CTNNA2: variants seen among roughly 807,000 people sequenced by gnomAD.
The protein encoded by CTNNA2 is catenin alpha-2.
Under a neutral mutation model 101.0 loss-of-function variants are expected in CTNNA2, and 42 were observed. The observed-to-expected ratio is 0.42, with a 90% CI of 0.32 to 0.54. The LOEUF is 0.54. CTNNA2 is among the 20% of genes least tolerant of loss of function. CTNNA2 has a pLI of 0.14. For missense variants in CTNNA2, 871 were observed against 1,223.1 expected (o/e 0.71, Z 4.29); for synonymous variants, 450 against 456.4 (o/e 0.99, Z 0.18).
intron 3 of CTNNA2, among the ~76,000 whole-genome samples, chr2:79,846,554 G>T (rs1036858012): frequency 1.3e-5 from 2 of 152,154 alleles, no homozygotes; most frequent in Non-Finnish European, 2.9e-5. Context: ...ATATACAAAG[G>T]CTTCAACTAT....
At chr2:79,518,325 A>G (rs747810404) in intron 1 of CTNNA2, among the ~76,000 whole-genome samples, 23 of 152,204 alleles carry the variant, frequency 1.5e-4, no homozygotes, top group Non-Finnish European at 3.2e-4. Flanking sequence ...CAGTGTTTCT[A>G]CATTAAATGA....
chr2:80,475,100 C>T (rs951553178), intron 9 of CTNNA2, among the ~76,000 whole-genome samples: 4 of 152,134 alleles, frequency 2.6e-5, no homozygotes, highest in Non-Finnish European at 5.9e-5. Context: ...GTACAGTCAT[C>T]AGCACCCTTT....
At chr2:79,746,826 T>G (rs1671683971) in intron 3 of CTNNA2, among the ~76,000 whole-genome samples, 1 of 152,212 alleles carries the variant, frequency 6.6e-6, no homozygotes, top group South Asian at 2.1e-4. Flanking sequence ...ACAGGATAAT[T>G]AAGTATTTGT....
At chr2:80,640,150 T>TAACA (rs1323822575) in intron 18 of CTNNA2, among the ~76,000 whole-genome samples, 1 of 152,054 alleles carries the variant, frequency 6.6e-6, no homozygotes, top group Non-Finnish European at 1.5e-5. Context: ...ATTTGATAGC[T>TAACA]AACAAACAAT....
intron 9 of CTNNA2, among the ~76,000 whole-genome samples, chr2:80,469,383 C>T (rs1290370084): frequency 6.6e-6 from 1 of 152,196 alleles, no homozygotes; most frequent in Non-Finnish European, 1.5e-5. Context: ...AGGTTGGAGG[C>T]TGCTGAATAT....
chr2:79,904,761 A>C (rs528835694), intron 6 of CTNNA2, among the ~76,000 whole-genome samples: 1 of 152,190 alleles, frequency 6.6e-6, no homozygotes, highest in Non-Finnish European at 1.5e-5. Flanking sequence ...TTCTCCTCTT[A>C]TGTCAGAGCT....
At chr2:79,948,305 C>T (rs1046626540) in intron 7 of CTNNA2, among the ~76,000 whole-genome samples, 3 of 152,168 alleles carry the variant, frequency 2.0e-5, no homozygotes, top group African/African-American at 7.2e-5. Context: ...ATCAAATTCA[C>T]CTAAATCATG....
intron 9 of CTNNA2, among the ~76,000 whole-genome samples, chr2:80,542,262 T>C: frequency 6.6e-6 from 1 of 152,164 alleles, no homozygotes; most frequent in African/African-American, 2.4e-5. Flanking sequence ...TGTATATATA[T>C]ATTATAGTTT....
intron 15 of CTNNA2, among the ~76,000 whole-genome samples, chr2:80,598,207 CA>C (rs894377620): frequency 4.0e-5 from 6 of 151,718 alleles, no homozygotes. Context: ...AACAAAGGAA[CA>C]AAAAAACACC....
chr2:79,289,614 G>A (rs566955380), intron 2 of CTNNA2, among the ~76,000 whole-genome samples: 1 of 151,444 alleles, frequency 6.6e-6, no homozygotes, highest in African/African-American at 2.4e-5. Context: ...GCGTAGTGAT[G>A]TGCGCCTGTA....
chr2:79,344,695 C>T (rs1215725530), intron 3 of CTNNA2, among the ~76,000 whole-genome samples: 1 of 151,248 alleles, frequency 6.6e-6, no homozygotes, highest in Non-Finnish European at 1.5e-5. Flanking sequence ...TTTTAAAAAA[C>T]CAATTTTGTA....
intron 3 of CTNNA2, among the ~76,000 whole-genome samples, chr2:79,829,412 C>CAA: frequency 7.9e-6 from 1 of 127,212 alleles, no homozygotes; most frequent in Non-Finnish European, 1.7e-5. Flanking sequence ...CACACACACA[C>CAA]ACAGACACAA....
chr2:79,865,934 T>C (rs1319268283), intron 4 of CTNNA2, among the ~76,000 whole-genome samples: 1 of 152,212 alleles, frequency 6.6e-6, no homozygotes, highest in Non-Finnish European at 1.5e-5. Flanking sequence ...TTAGCCAGGA[T>C]GGTCTCGAAA....
intron 7 of CTNNA2, among the ~76,000 whole-genome samples, chr2:80,109,656 G>A: frequency 6.6e-6 from 1 of 150,724 alleles, no homozygotes; most frequent in East Asian, 1.9e-4. Flanking sequence ...AAAACCTTCT[G>A]TTTGGCGTGG....
At chr2:80,520,380 G>A (rs1038912234) in intron 9 of CTNNA2, among the ~76,000 whole-genome samples, 13 of 152,082 alleles carry the variant, frequency 8.5e-5, no homozygotes, top group African/African-American at 3.1e-4. Flanking sequence ...ACCTGCCAGC[G>A]GGGAACACAG....
At chr2:80,218,379 G>C (rs2149049344) in intron 7 of CTNNA2, among the ~76,000 whole-genome samples, 1 of 152,344 alleles carries the variant, frequency 6.6e-6, no homozygotes, top group East Asian at 1.9e-4. Flanking sequence ...GACATCCTAT[G>C]TTAATCCGAC....
At chr2:79,880,364 G>A (rs2916505) in intron 6 of CTNNA2, among the ~76,000 whole-genome samples, 107,445 of 152,036 alleles carry the variant, frequency 0.71, 38,244 homozygotes, top group Middle Eastern at 0.86. Context: ...TTCCTTTTCA[G>A]TTGTTTGGAA....
intron 8 of CTNNA2, among the ~76,000 whole-genome samples, chr2:80,408,008 A>C (rs1236161269): frequency 6.6e-6 from 1 of 152,234 alleles, no homozygotes; most frequent in Non-Finnish European, 1.5e-5. Context: ...AAATGGCCAG[A>C]AACTTCAGAG....
At chr2:79,286,332 C>T (rs904290769) in intron 2 of CTNNA2, among the ~76,000 whole-genome samples, 11 of 152,142 alleles carry the variant, frequency 7.2e-5, no homozygotes, top group South Asian at 2.1e-4. Flanking sequence ...TTAGTTCATG[C>T]GGTTTCTTCC....
Sources: allele counts gnomAD v4.1 joint callset (sites outside exome capture counted in the v4.1 genomes callset), GRCh38; gene constraint gnomAD v4.1.1; transcripts MANE v1.5; gene names NCBI Gene and HGNC (gene_info 2026-07-23, HGNC 2026-07-21).